The following KHDRBS2 variants were observed in gnomAD, a reference collection of about 807,000 sequenced individuals.
KHDRBS2 encodes the protein KH domain-containing, RNA-binding, signal transduction-associated protein 2.
A neutral mutation model predicts 44.3 loss-of-function variants in KHDRBS2; 26 were observed. That is an observed-to-expected ratio of 0.59 (90% confidence interval 0.43 to 0.81). KHDRBS2 has a LOEUF of 0.81. KHDRBS2 is among the 40% of genes least tolerant of loss of function. The pLI, the probability that KHDRBS2 is intolerant of heterozygous loss-of-function variation, is 0.00. For missense variants in KHDRBS2, 476 were observed against 433.1 expected (o/e 1.10, Z -0.88); for synonymous variants, 194 against 151.1 (o/e 1.28, Z -2.08).
chr6:61,852,730 A>G (rs1335124345), intron 6 of KHDRBS2, among the ~76,000 whole-genome samples: 1 of 152,178 alleles, frequency 6.6e-6, no homozygotes, highest in Admixed American at 6.5e-5. Context: ...AACAGATTTA[A>G]CAAAAACATA....
chr6:61,861,727 T>C (rs1464426306), intron 6 of KHDRBS2, among the ~76,000 whole-genome samples: 2 of 151,898 alleles, frequency 1.3e-5, no homozygotes, highest in Admixed American at 6.6e-5. Context: ...AATTTTAAAA[T>C]AGACTTTTCT....
chr6:62,091,286 T>TG (rs1799454483), intron 2 of KHDRBS2, among the ~76,000 whole-genome samples: 1 of 52,908 alleles, frequency 1.9e-5, no homozygotes, highest in Non-Finnish European at 3.4e-5. Flanking sequence ...CAGTATTTTT[T>TG]ATTTTTCATT....
intron 4 of KHDRBS2, among the ~76,000 whole-genome samples, chr6:61,935,573 A>G (rs1268684034): frequency 6.6e-6 from 1 of 152,166 alleles, no homozygotes; most frequent in Non-Finnish European, 1.5e-5. Context: ...GTTTTACAAT[A>G]CTATCATAGA....
At chr6:62,143,269 C>T (rs745401511) in intron 2 of KHDRBS2, among the ~76,000 whole-genome samples, 1 of 151,838 alleles carries the variant, frequency 6.6e-6, no homozygotes, top group Non-Finnish European at 1.5e-5. Context: ...CATCTATACA[C>T]CTCCCACAAA....
intron 6 of KHDRBS2, among the ~76,000 whole-genome samples, chr6:61,733,999 A>G (rs1003884477): frequency 6.6e-6 from 1 of 152,212 alleles, no homozygotes; most frequent in Non-Finnish European, 1.5e-5. Flanking sequence ...GAGTTTCAGC[A>G]GAAAATACCT....
chr6:62,205,254 C>T (rs1297395960), intron 1 of KHDRBS2, among the ~76,000 whole-genome samples: 1 of 152,060 alleles, frequency 6.6e-6, no homozygotes, highest in Non-Finnish European at 1.5e-5. Context: ...GACCCAGGAG[C>T]TTTATGTATT....
At chr6:61,733,556 A>G (rs535123599) in intron 6 of KHDRBS2, among the ~76,000 whole-genome samples, 10 of 151,714 alleles carry the variant, frequency 6.6e-5, no homozygotes, top group Non-Finnish European at 1.2e-4. Context: ...AGATTGTGCC[A>G]TTGCACTCCA....
chr6:62,003,927 C>T (rs2127261747), intron 3 of KHDRBS2, among the ~76,000 whole-genome samples: 1 of 152,238 alleles, frequency 6.6e-6, no homozygotes, highest in Middle Eastern at 3.4e-3. Flanking sequence ...AAAATGAAGG[C>T]AGAAATACAG....
Position 61,831,061 on chromosome 6 carries a change from T to C in KHDRBS2, c.810+63574A>G, listed in dbSNP as rs1439485217. 3.3e-5 allele frequency among the ~76,000 whole-genome samples: 5 copies of C among 152,284 alleles called. No homozygotes were observed. In the South Asian group the frequency reaches 1.0e-3, roughly 32 times the overall value. ...TAGATCAGATGTACTTCTCTTAACA[T>C]ACTTAAAAATGCACTGAACATAATA... is the stretch of plus-strand genomic sequence containing the variant. On this transcript the variant is annotated intron_variant, in intron 6 of 8. Coordinates refer to ENST00000281156, the MANE Select transcript of KHDRBS2 (RefSeq NM_152688.4).
chr6:62,001,287 A>G (rs1778192066), intron 3 of KHDRBS2, among the ~76,000 whole-genome samples: 1 of 152,140 alleles, frequency 6.6e-6, no homozygotes, highest in Non-Finnish European at 1.5e-5. Flanking sequence ...AGTTTCATCA[A>G]ACAAAGAAGG....
rs145808987 is a variant in KHDRBS2 at position 62,273,996 on chromosome 6, C to T, written c.91+11862G>A. Among the ~76,000 whole-genome samples, 379 of 152,064 alleles carry T rather than the reference C, an allele frequency of 2.5e-3. 1 individual carries two copies. The highest frequency in any genetic ancestry group is 8.8e-3 in the African/African-American group (364 of 41,470). On this transcript the variant is annotated intron_variant, in intron 1 of 8. Transcript: ENST00000281156. ...TGTCACCCAGGCTGGAGTGCAGTGGCGCGATCTCAGCTCACTCTAACCTCC... is the reference window on the plus strand; with the variant it reads ...TGTCACCCAGGCTGGAGTGCAGTGGTGCGATCTCAGCTCACTCTAACCTCC...
At chr6:61,626,984 T>C in the KHDRBS2 span, among the ~76,000 whole-genome samples, 1 of 151,972 alleles carries the variant, frequency 6.6e-6, no homozygotes, top group African/African-American at 2.4e-5. Flanking sequence ...CCGGGCGCGG[T>C]GGCTCACGCC....
At chr6:61,557,276 T>G in the KHDRBS2 span, among the ~76,000 whole-genome samples, 1 of 152,170 alleles carries the variant, frequency 6.6e-6, no homozygotes, top group Non-Finnish European at 1.5e-5. Context: ...AGATATTATC[T>G]TACATTAATC....
At chr6:62,249,475 T>C (rs909586417) in intron 1 of KHDRBS2, among the ~76,000 whole-genome samples, 4 of 152,014 alleles carry the variant, frequency 2.6e-5, no homozygotes, top group African/African-American at 9.7e-5. Context: ...TACCAAAATC[T>C]TGTCTAGATA....
At chr6:61,743,406 T>G (rs1025800824) in intron 6 of KHDRBS2, among the ~76,000 whole-genome samples, 11 of 152,112 alleles carry the variant, frequency 7.2e-5, no homozygotes, top group Admixed American at 1.3e-4. Context: ...TGGCACTGTC[T>G]AGTATTTACT....
At chr6:61,802,107 A>G (rs1252166835) in intron 6 of KHDRBS2, among the ~76,000 whole-genome samples, 1 of 152,126 alleles carries the variant, frequency 6.6e-6, no homozygotes, top group Non-Finnish European at 1.5e-5. Context: ...CCAGCAAGGA[A>G]ATGGAAAGTC....
rs375309750 is a variant in KHDRBS2 at position 62,177,864 on chromosome 6, C to G, written c.92-552G>C. Reference sequence around the variant, plus strand: ...GATTAAATCTATAAATGCTAACATTCATATTCATCAATAAGACATTATATA... The same window carrying G: ...GATTAAATCTATAAATGCTAACATTGATATTCATCAATAAGACATTATATA... On this transcript the variant is annotated intron_variant, in intron 1 of 8. Coordinates refer to ENST00000281156, the MANE Select transcript of KHDRBS2 (RefSeq NM_152688.4). Among the ~76,000 whole-genome samples the G allele has an allele frequency of 1.4e-4, 21 of 151,326 alleles. No homozygotes were observed. The East Asian group carries it at 1.9e-3, about 14-fold the overall frequency.
chr6:62,204,997 G>T (rs1224892192), intron 1 of KHDRBS2, among the ~76,000 whole-genome samples: 1 of 152,114 alleles, frequency 6.6e-6, no homozygotes, highest in Non-Finnish European at 1.5e-5. Flanking sequence ...GGGAATGTTT[G>T]TTAATTAATT....
the KHDRBS2 span, among the ~76,000 whole-genome samples, chr6:61,628,210 CTTTTT>C: frequency 1.2e-5 from 1 of 82,310 alleles, no homozygotes; most frequent in African/African-American, 5.5e-5. Context: ...CATGTGTAGC[CTTTTT>C]TTTTTTTTTT....
Sources: gnomAD v4.1 joint callset for allele counts (sites outside exome capture counted in the v4.1 genomes callset) on GRCh38, gnomAD v4.1.1 for gene constraint, MANE v1.5 for transcripts, NCBI Gene and HGNC (gene_info 2026-07-23, HGNC 2026-07-21) for gene names.